The following SWT1 variants were observed in gnomAD, a reference collection of about 807,000 sequenced individuals.
SWT1 encodes transcriptional protein SWT1.
In SWT1, 33 loss-of-function variants were observed where a neutral mutation model predicts 107.3. That is an observed-to-expected ratio of 0.31 (90% confidence interval 0.23 to 0.41). The LOEUF (loss-of-function observed/expected upper bound fraction) is 0.41, where lower values mean the gene tolerates loss of function less well. Ranked by LOEUF, SWT1 falls within the 10% of genes least tolerant of loss-of-function variation. SWT1 has a pLI of 1.00. For synonymous variants in SWT1, 345 were observed against 348.3 expected, an observed-to-expected ratio of 0.99 and a Z score of 0.11; for missense variants, 898 against 1,028.9, an observed-to-expected ratio of 0.87 and a Z score of 1.74.
chr1:185,268,689 CTAATA>C (rs1299571749), intron 16 of SWT1, among the ~76,000 whole-genome samples: 1 of 152,066 alleles, frequency 6.6e-6, no homozygotes, highest in African/African-American at 2.4e-5. Flanking sequence ...CCTCTGGAGT[CTAATA>C]TAGTATGTTA....
chr1:185,226,726 C>G (rs1160333164), intron 15 of SWT1: 10 of 498,436 alleles, frequency 2.0e-5, no homozygotes, highest in Non-Finnish European at 3.2e-5. Context: ...ATTTAAGCTT[C>G]TGAGACTTTT....
intron 13 of SWT1, among the ~76,000 whole-genome samples, chr1:185,211,367 A>C (rs939415158): frequency 2.0e-5 from 3 of 152,298 alleles, no homozygotes; most frequent in African/African-American, 4.8e-5. Flanking sequence ...GGAACTGAAC[A>C]GAGGCCTCAG....
intron 16 of SWT1, among the ~76,000 whole-genome samples, chr1:185,249,311 C>G (rs1488868649): frequency 6.6e-6 from 1 of 152,008 alleles, no homozygotes; most frequent in Non-Finnish European, 1.5e-5. Flanking sequence ...ACAGACCTGC[C>G]TAGGTTGAGG....
intron 16 of SWT1, among the ~76,000 whole-genome samples, chr1:185,233,668 CTGTT>C (rs1660650030): frequency 6.6e-6 from 1 of 152,156 alleles, no homozygotes; most frequent in Non-Finnish European, 1.5e-5. Flanking sequence ...GTCTGAGAGA[CTGTT>C]TGTTATGATT....
At chr1:185,276,132 A>G (rs761549743) in intron 17 of SWT1, among the ~76,000 whole-genome samples, 5 of 152,164 alleles carry the variant, frequency 3.3e-5, no homozygotes, top group Admixed American at 6.5e-5. Context: ...TGCCATAGCT[A>G]GTTTTTATAT....
chr1:185,204,932 ATTAC>A, intron 12 of SWT1, 69 bp downstream of exon 12: 1 of 914,876 alleles, frequency 1.1e-6, no homozygotes, highest in Non-Finnish European at 1.6e-6. Context: ...CTTAAGAAAT[ATTAC>A]TTGTATAAAA....
At chr1:185,195,844 G>GT (rs1223911426) in intron 10 of SWT1, among the ~76,000 whole-genome samples, 1 of 152,030 alleles carries the variant, frequency 6.6e-6, no homozygotes, top group Non-Finnish European at 1.5e-5. Context: ...TGATGGAGTT[G>GT]TTTTTTTCTT....
At position 185,238,734 on chromosome 1, in the gene SWT1, G is replaced by T. The variant is rs74388468; in HGVS notation, c.2441+7026G>T. Among the ~76,000 whole-genome samples the T allele has an allele frequency of 5.6e-3, 846 of 151,322 alleles. 33 individuals carry two copies. In the East Asian group the frequency reaches 0.094, roughly 17 times the overall value. On this transcript the variant is annotated intron_variant, in intron 16 of 18. Coordinates refer to ENST00000367500, the MANE Select transcript of SWT1 (RefSeq NM_017673.7). ...ATTGTGAATTTTTTTTTTTAAACCG[G>T]GCAGATAATAGGCATTTAAATTAAA...
chr1:185,248,614 T>C (rs1661776300), intron 16 of SWT1, among the ~76,000 whole-genome samples: 1 of 152,146 alleles, frequency 6.6e-6, no homozygotes, highest in African/African-American at 2.4e-5. Context: ...GGGGTGATGG[T>C]TCCTGCTGTC....
chr1:185,246,651 G>A (rs563171832), intron 16 of SWT1, among the ~76,000 whole-genome samples: 1 of 125,318 alleles, frequency 8.0e-6, no homozygotes, highest in South Asian at 2.7e-4. Context: ...TTTTAATAGA[G>A]GGGGGTCTCA....
At chr1:185,281,903 CT>C (rs1292191502) in intron 18 of SWT1, 1 of 152,236 alleles carries the variant, frequency 6.6e-6, no homozygotes, top group African/African-American at 2.4e-5. Flanking sequence ...GCTTTTAGTG[CT>C]TTTTGAAAAG....
chr1:185,236,330 T>C (rs1283969189), intron 16 of SWT1, among the ~76,000 whole-genome samples: 1 of 152,148 alleles, frequency 6.6e-6, no homozygotes, highest in African/African-American at 2.4e-5. Flanking sequence ...ACTAGAAGGC[T>C]ACAGTAACAA....
chr1:185,168,802 G>A (rs745521563), intron 4 of SWT1, among the ~76,000 whole-genome samples: 3 of 152,120 alleles, frequency 2.0e-5, no homozygotes, highest in Admixed American at 6.6e-5. Context: ...CTTTAAAACC[G>A]TGTTGATTAA....
chr1:185,230,996 T>C (rs1366156224), intron 15 of SWT1, among the ~76,000 whole-genome samples: 1 of 152,174 alleles, frequency 6.6e-6, no homozygotes, highest in Non-Finnish European at 1.5e-5. Context: ...TGATCCTCCC[T>C]CCTCGGCCTT....
intron 16 of SWT1, among the ~76,000 whole-genome samples, chr1:185,258,942 T>A (rs975310221): frequency 6.6e-6 from 1 of 152,136 alleles, no homozygotes; most frequent in African/African-American, 2.4e-5. Context: ...TATTCCTGGC[T>A]CTCGTCATTC....
At chr1:185,223,562 G>A (rs574081644) in intron 15 of SWT1, among the ~76,000 whole-genome samples, 12 of 152,190 alleles carry the variant, frequency 7.9e-5, no homozygotes, top group African/African-American at 2.6e-4. Flanking sequence ...GCATTTCCCT[G>A]ATGATTAGTG....
intron 10 of SWT1, among the ~76,000 whole-genome samples, chr1:185,201,601 A>G (rs976437451): frequency 6.6e-6 from 1 of 152,048 alleles, no homozygotes; most frequent in Non-Finnish European, 1.5e-5. Context: ...ACCAGTCCCA[A>G]TGAGATGAGT....
chr1:185,264,449 G>A, intron 16 of SWT1: 2 of 984,072 alleles, frequency 2.0e-6, no homozygotes, highest in African/African-American at 3.5e-5. Flanking sequence ...GACAAGCTAT[G>A]TGATAATTTG....
intron 14 of SWT1, among the ~76,000 whole-genome samples, chr1:185,218,133 A>G (rs2102514307): frequency 6.6e-6 from 1 of 152,332 alleles, no homozygotes; most frequent in Admixed American, 6.5e-5. Context: ...ATATTTGGTC[A>G]TGTCTCAGTA....
Sources: allele counts gnomAD v4.1 joint callset (sites outside exome capture counted in the v4.1 genomes callset), GRCh38; gene constraint gnomAD v4.1.1; transcripts MANE v1.5; gene names NCBI Gene and HGNC (gene_info 2026-07-23, HGNC 2026-07-21).